ITCH: variants seen among roughly 807,000 people sequenced by gnomAD.
The protein encoded by ITCH is E3 ubiquitin-protein ligase Itchy homolog.
Under a neutral mutation model 126.8 loss-of-function variants are expected in ITCH, and 28 were observed. The ratio of observed to expected loss-of-function variants is 0.22; its 90% CI spans 0.16 to 0.30. The LOEUF (loss-of-function observed/expected upper bound fraction) is 0.30. ITCH is among the 10% of genes least tolerant of loss of function. The pLI, the probability that ITCH is intolerant of heterozygous loss-of-function variation, is 1.00. For missense variants in ITCH, 631 were observed against 1,032.4 expected (o/e 0.61, Z 5.33); for synonymous variants, 342 against 340.0 (o/e 1.01, Z -0.06).
intron 2 of ITCH, among the ~76,000 whole-genome samples, chr20:34,393,470 A>T (rs1252822426): frequency 1.3e-5 from 2 of 152,162 alleles, no homozygotes; most frequent in Admixed American, 6.5e-5. Flanking sequence ...AAGATCTAGG[A>T]TATGTTAGCG....
intron 14 of ITCH, among the ~76,000 whole-genome samples, chr20:34,462,558 C>G (rs983158270): frequency 1.8e-4 from 27 of 152,272 alleles, no homozygotes; most frequent in African/African-American, 6.3e-4. Flanking sequence ...TTACTTATCC[C>G]CCACCCCATT....
intron 20 of ITCH, among the ~76,000 whole-genome samples, chr20:34,482,019 A>G (rs1056750502): frequency 6.6e-6 from 1 of 151,650 alleles, no homozygotes; most frequent in Non-Finnish European, 1.5e-5. Flanking sequence ...CAAAACAAAC[A>G]AACGAATGAA....
intron 15 of ITCH, among the ~76,000 whole-genome samples, chr20:34,470,491 C>T (rs765730171): frequency 6.6e-5 from 10 of 151,726 alleles, no homozygotes; most frequent in Non-Finnish European, 1.3e-4. Context: ...AATAAGCAAA[C>T]ATTGTCACTT....
chr20:34,448,933 T>C (rs1984809769), intron 11 of ITCH, among the ~76,000 whole-genome samples: 1 of 152,170 alleles, frequency 6.6e-6, no homozygotes, highest in African/African-American at 2.4e-5. Context: ...TCCACTCATC[T>C]GGCAGCCCAC....
chr20:34,495,552 G>A (rs1600495011), intron 23 of ITCH, among the ~76,000 whole-genome samples: 1 of 151,754 alleles, frequency 6.6e-6, no homozygotes, highest in African/African-American at 2.4e-5. Flanking sequence ...ATCTTTTTGT[G>A]CTTGGCTTAT....
At chr20:34,425,058 A>G (rs960576721) in intron 7 of ITCH, among the ~76,000 whole-genome samples, 1 of 152,264 alleles carries the variant, frequency 6.6e-6, no homozygotes, top group Non-Finnish European at 1.5e-5. Flanking sequence ...AGGAAGACGT[A>G]AGAAACTCCA....
In ITCH at chr20:34,401,010, C is replaced by T. The variant is rs117585060; in HGVS notation, c.70+7129C>T. Among the ~76,000 whole-genome samples, 64 of 152,234 alleles carry T rather than the reference C, an allele frequency of 4.2e-4. 1 individual carries two copies. The East Asian group carries it at 0.012, about 28-fold the overall frequency. Reference sequence around the variant, plus strand: ...CTGACCTCAAGTGATTCACCCACCTCGGCCTCCCAAAGTTCTCGAATTACA... The same window carrying T: ...CTGACCTCAAGTGATTCACCCACCTTGGCCTCCCAAAGTTCTCGAATTACA... On this transcript the variant is annotated intron_variant, in intron 3 of 24. Coordinates refer to ENST00000374864, the MANE Select transcript of ITCH (RefSeq NM_031483.7).
At position 34,492,610 on chromosome 20, in the gene ITCH, G is replaced by A; in HGVS notation, c.2416+13G>A. On this transcript the variant is annotated intron_variant, in intron 23 of 24. Coordinates refer to ENST00000374864, the MANE Select transcript of ITCH (RefSeq NM_031483.7). ...GCTGATCTCATGGGTATGTATACAG[G>A]ATCACTTTTCCTATACAGAAAATTG... The A allele has an allele frequency of 6.5e-7, 1 of 1,547,796 alleles. No homozygotes were observed. The highest frequency in any genetic ancestry group is 8.9e-7 in the Non-Finnish European group (1 of 1,119,300).
Position 34,470,076 on chromosome 20 carries a change from C to A in ITCH, c.1453C>A (p.Arg485=). The change falls in exon 15 of 25, where the codon CGG becomes AGG. Residue 485 remains arginine, a synonymous_variant. Transcript: ENST00000374864. ...LDNGPQIAYV[R]DFKAKVQYFR... Reference sequence around the variant, plus strand: ...CAATGGACCTCAGATAGCCTATGTTCGGGACTTCAAAGCAAAGGTTCAGTA... The same window carrying A: ...CAATGGACCTCAGATAGCCTATGTTAGGGACTTCAAAGCAAAGGTTCAGTA... 1.2e-6 allele frequency: 2 copies of A among 1,613,830 alleles called. No homozygotes were observed. The highest frequency in any genetic ancestry group is 1.7e-6 in the Non-Finnish European group (2 of 1,179,832).
chr20:34,383,211 TA>T (rs2038135410), intron 2 of ITCH, among the ~76,000 whole-genome samples: 1 of 151,956 alleles, frequency 6.6e-6, no homozygotes, highest in African/African-American at 2.4e-5. Context: ...CTGGGTAGTT[TA>T]TTTTTATTTT....
chr20:34,437,293 T>C (rs759796931), intron 7 of ITCH, among the ~76,000 whole-genome samples: 7 of 152,182 alleles, frequency 4.6e-5, no homozygotes, highest in African/African-American at 7.2e-5. Context: ...ATTTAATACA[T>C]GGTACTGCCT....
rs568619442 is a variant in ITCH, at chr20:34,492,002, G to T, written c.2320-499G>T. ...GGACGGGCAAATCTGGGGCTGGGGG[G>T]TGGTGGTGGGATGGGGAGTCACAGG... On this transcript the variant is annotated intron_variant, in intron 22 of 24. Transcript: ENST00000374864. Among the ~76,000 whole-genome samples, 262 of 152,242 alleles carry T rather than the reference G, an allele frequency of 1.7e-3. 1 individual carries two copies. The highest frequency in any genetic ancestry group is 2.9e-3 in the South Asian group (14 of 4,820).
At chr20:34,396,970 A>G (rs2038699396) in intron 3 of ITCH, among the ~76,000 whole-genome samples, 1 of 152,016 alleles carries the variant, frequency 6.6e-6, no homozygotes, top group South Asian at 2.1e-4. Flanking sequence ...TTTCTTTAGT[A>G]TGAGCTAAGA....
chr20:34,394,960 G>A (rs555563028), intron 3 of ITCH, among the ~76,000 whole-genome samples: 1 of 151,924 alleles, frequency 6.6e-6, no homozygotes, highest in African/African-American at 2.4e-5. Context: ...AGCCAGGCAC[G>A]GTGGCTCACA....
chr20:34,370,143 A>G (rs1360039682), intron 2 of ITCH, among the ~76,000 whole-genome samples: 1 of 151,398 alleles, frequency 6.6e-6, no homozygotes, highest in African/African-American at 2.4e-5. Context: ...TTCAGTGCAG[A>G]AAGAATAGAG....
chr20:34,446,586 A>C (rs1335344197), intron 11 of ITCH, among the ~76,000 whole-genome samples: 1 of 152,142 alleles, frequency 6.6e-6, no homozygotes, highest in African/African-American at 2.4e-5. Flanking sequence ...CAGTGGTTTT[A>C]AAGCTGAAAT....
intron 2 of ITCH, among the ~76,000 whole-genome samples, chr20:34,372,421 C>T (rs1420533868): frequency 1.9e-5 from 2 of 104,854 alleles, no homozygotes; most frequent in African/African-American, 4.2e-5. Context: ...AACTCTGTCA[C>T]CCAGGCTGGA....
At chr20:34,400,698 T>C (rs2038851352) in intron 3 of ITCH, among the ~76,000 whole-genome samples, 1 of 137,614 alleles carries the variant, frequency 7.3e-6, no homozygotes, top group Non-Finnish European at 1.5e-5. Context: ...CAGGCTGGAG[T>C]GCAGTGGCGC....
chr20:34,474,634 A>G (rs968310718), intron 16 of ITCH, among the ~76,000 whole-genome samples: 1 of 152,242 alleles, frequency 6.6e-6, no homozygotes, highest in Non-Finnish European at 1.5e-5. Flanking sequence ...TCTATTCCAC[A>G]AAACCGCCAT....
Sources: allele counts gnomAD v4.1 joint callset (sites outside exome capture counted in the v4.1 genomes callset), GRCh38; gene constraint gnomAD v4.1.1; transcripts MANE v1.5; gene names NCBI Gene and HGNC (gene_info 2026-07-23, HGNC 2026-07-21).